The following PCDHGA10 variants were observed in gnomAD, a reference collection of about 807,000 sequenced individuals.
PCDHGA10 encodes protocadherin gamma subfamily A, 10.
Under a neutral mutation model 59.5 loss-of-function variants are expected in PCDHGA10, and 42 were observed. That is an observed-to-expected ratio of 0.71 (90% CI 0.55 to 0.91). The LOEUF is 0.91. Ranked by LOEUF, PCDHGA10 falls within the 40% of genes least tolerant of loss-of-function variation. The pLI is 0.00. For synonymous variants in PCDHGA10, 511 were observed against 517.2 expected (o/e 0.99, Z 0.16); for missense variants, 1,111 against 1,198.2 (o/e 0.93, Z 1.07).
intron 1 of PCDHGA10, chr5:141,424,728 G>A (rs907091181): frequency 1.3e-5 from 2 of 152,102 alleles, no homozygotes; most frequent in African/African-American, 2.4e-5. Flanking sequence ...GGGAGTCATA[G>A]ATTCCTTCTT....
chr5:141,426,858 T>G (rs898486771), intron 1 of PCDHGA10: 13 of 456,574 alleles, frequency 2.8e-5, no homozygotes, highest in African/African-American at 8.0e-5. Context: ...CGCTCCAGAA[T>G]TAGTGCTGGA....
In PCDHGA10 at chr5:141,485,867, G is replaced by T; in HGVS notation, c.2437-8940G>T. The T allele has an allele frequency of 6.2e-7, 1 of 1,614,164 alleles. No homozygotes were observed. Among genetic ancestry groups the T allele is most frequent in the Non-Finnish European group, 8.5e-7 (1 of 1,180,040 alleles). On this transcript the variant is annotated intron_variant, in intron 1 of 3. Transcript: ENST00000398610. The surrounding 1 kb of genome is among the most constrained non-coding windows in gnomAD (Gnocchi z 5.7). ...TGGCACCGCAGAGCTCCGGGTATCC[G>T]TGCTGGACGTAAACGACAACGCCCC...
At chr5:141,421,619 C>T (rs778666303) in intron 1 of PCDHGA10, 2 of 1,613,694 alleles carry the variant, frequency 1.2e-6, no homozygotes, top group South Asian at 1.1e-5. Flanking sequence ...AATGATAACG[C>T]CCCCAGCTTC....
At chr5:141,434,883 C>T (rs1490696834) in intron 1 of PCDHGA10, among the ~76,000 whole-genome samples, 1 of 151,644 alleles carries the variant, frequency 6.6e-6, no homozygotes, top group Non-Finnish European at 1.5e-5. Context: ...ATACCAACAA[C>T]AATCCAGTCC....
intron 1 of PCDHGA10, chr5:141,422,081 T>C: frequency 2.5e-6 from 4 of 1,612,346 alleles, no homozygotes; most frequent in Non-Finnish European, 3.4e-6. Context: ...TTTCGGAACA[T>C]GGAAAGCAAG....
intron 1 of PCDHGA10, chr5:141,415,949 C>T (rs369226000): frequency 6.5e-4 from 320 of 496,036 alleles, no homozygotes; most frequent in African/African-American, 5.9e-3. Context: ...TGGGTGGTCA[C>T]ATATTGAAAC....
Position 141,414,288 on chromosome 5 carries a change from C to T in PCDHGA10, c.1113C>T (p.Ala371=), listed in dbSNP as rs368826232. The T allele has an allele frequency of 2.5e-5, 40 of 1,613,502 alleles. No homozygotes were observed. Among genetic ancestry groups the T allele is most frequent in the South Asian group, 4.4e-5 (4 of 91,016 alleles). Residue 371 remains alanine, a synonymous_variant, in exon 1 of 4, where the codon GCC becomes GCT. Transcript: ENST00000398610. ...TEDSPLGTVV[A]LLNVHDLDSE... The stretch of plus-strand genomic sequence containing the variant: ...ATTCACCTCTGGGAACAGTCGTAGC[C>T]CTTTTAAATGTGCATGATTTAGACT...
Position 141,487,298 on chromosome 5 carries a change from G to T in PCDHGA10, c.2437-7509G>T. 6.2e-7 allele frequency: 1 copy of T among 1,614,072 alleles called. No individual in the cohort carries two copies. Among genetic ancestry groups the T allele is most frequent in the Non-Finnish European group, 8.5e-7 (1 of 1,180,018 alleles). ...TTGCTTTGTCTCCTTTGGCTCATTC[G>T]TGGCACTACTCTCTAAGTGTCTTCG... On this transcript the variant is annotated intron_variant, in intron 1 of 3. Coordinates refer to ENST00000398610, the MANE Select transcript of PCDHGA10 (RefSeq NM_018913.3). This position sits in a 1 kb window ranked among gnomAD's most constrained non-coding sequence, Gnocchi z 5.0.
intron 1 of PCDHGA10, among the ~76,000 whole-genome samples, chr5:141,464,803 G>A (rs933573443): frequency 1.5e-4 from 23 of 152,092 alleles, no homozygotes; most frequent in African/African-American, 5.1e-4. Context: ...CAGTGATGCA[G>A]TCATAGCTCA....
chr5:141,461,595 A>C (rs2099018386), intron 1 of PCDHGA10, among the ~76,000 whole-genome samples: 1 of 152,144 alleles, frequency 6.6e-6, no homozygotes, highest in East Asian at 1.9e-4. Flanking sequence ...TATTTCCATT[A>C]TAATTTAGTT....
At position 141,489,074 on chromosome 5, in the gene PCDHGA10, C is replaced by A; in HGVS notation, c.2437-5733C>A. On this transcript the variant is annotated intron_variant, in intron 1 of 3. Coordinates refer to ENST00000398610, the MANE Select transcript of PCDHGA10 (RefSeq NM_018913.3). The surrounding 1 kb of genome is among the most constrained non-coding windows in gnomAD (Gnocchi z 4.5). ...TTCAGCTCCCCTCCCCCCTGCCCAC[C>A]CCCGCCACTCGGTGACTAAGAACTG... 9.4e-6 allele frequency: 3 copies of A among 320,798 alleles called. No individual in the cohort carries two copies. The highest frequency in any genetic ancestry group is 1.7e-5 in the Non-Finnish European group (3 of 177,744). 19.9% of individuals were successfully genotyped at this position (320,798 alleles called of 1,614,324 possible). A position where few individuals can be genotyped will look rare whatever the true frequency, so the allele number is the denominator to read the frequency against.
intron 1 of PCDHGA10, among the ~76,000 whole-genome samples, chr5:141,488,554 T>C (rs1313975033): frequency 6.6e-6 from 1 of 152,064 alleles, no homozygotes; most frequent in African/African-American, 2.4e-5. Context: ...CAGCTGACAT[T>C]GAGATTTCCG....
intron 1 of PCDHGA10, among the ~76,000 whole-genome samples, chr5:141,445,277 A>G (rs769047096): frequency 6.6e-6 from 1 of 152,256 alleles, no homozygotes; most frequent in African/African-American, 2.4e-5. Flanking sequence ...ACCACTCTGC[A>G]TAAGTTCAGG....
chr5:141,482,472 CTG>C (rs2099561247), intron 1 of PCDHGA10, among the ~76,000 whole-genome samples: 2 of 136,856 alleles, frequency 1.5e-5, no homozygotes, highest in Non-Finnish European at 3.0e-5. Context: ...GTGCCAGACA[CTG>C]TAAACAATTA....
rs777761385 is a variant in PCDHGA10 at position 141,489,558 on chromosome 5, G to T, written c.2437-5249G>T. 1.1e-5 allele frequency: 17 copies of T among 1,614,130 alleles called. No homozygotes were observed. In the South Asian group the frequency reaches 1.8e-4, roughly 17 times the overall value. On this transcript the variant is annotated intron_variant, in intron 1 of 3. Coordinates refer to ENST00000398610, the MANE Select transcript of PCDHGA10 (RefSeq NM_018913.3). The surrounding 1 kb of genome is among the most constrained non-coding windows in gnomAD (Gnocchi z 4.5). Reference sequence around the variant, plus strand: ...CCAGCACCAGCTGCCTGCTGCCAGTGCAGGTGGTGACTGAACACCCCCTGG... The same window carrying T: ...CCAGCACCAGCTGCCTGCTGCCAGTTCAGGTGGTGACTGAACACCCCCTGG...
chr5:141,432,632 G>A lies in PCDHGA10; in HGVS notation c.2436+17021G>A. 3.7e-6 allele frequency: 6 copies of A among 1,612,834 alleles called. No individual in the cohort carries two copies. The highest frequency in any genetic ancestry group is 5.1e-6 in the Non-Finnish European group (6 of 1,179,706). On this transcript the variant is annotated intron_variant, in intron 1 of 3. Coordinates refer to ENST00000398610, the MANE Select transcript of PCDHGA10 (RefSeq NM_018913.3). The surrounding 1 kb of genome is among the most constrained non-coding windows in gnomAD (Gnocchi z 6.0). ...CTTCTCGGTGGGTCTGCACACGGGC[G>A]AGGTGCGCACGGCGCGAGCCCTGCT...
chr5:141,486,869 C>G lies in PCDHGA10; in HGVS notation c.2437-7938C>G. On this transcript the variant is annotated intron_variant, in intron 1 of 3. Transcript: ENST00000398610. This position sits in a 1 kb window ranked among gnomAD's most constrained non-coding sequence, Gnocchi z 5.0. ...CCTCAATGACAATGCTCCAGCTGTG[C>G]TCCGTCCTCGGGCCCGGCCTGGTTC... The G allele has an allele frequency of 6.2e-7, 1 of 1,614,246 alleles. No homozygotes were observed. The highest frequency in any genetic ancestry group is 8.5e-7 in the Non-Finnish European group (1 of 1,180,042).
chr5:141,509,060 T>G (rs2099874519), intron 3 of PCDHGA10, among the ~76,000 whole-genome samples: 1 of 152,216 alleles, frequency 6.6e-6, no homozygotes, highest in Middle Eastern at 3.4e-3. Flanking sequence ...CAGAAAGCTC[T>G]CAGCTCCGGG....
intron 1 of PCDHGA10, chr5:141,420,364 ACTT>A (rs746817317): frequency 1.3e-4 from 174 of 1,368,558 alleles, no homozygotes; most frequent in Non-Finnish European, 1.6e-4. Context: ...ATTCTAGATA[ACTT>A]CTTCATAGAG....
Sources: gnomAD v4.1 joint callset for allele counts (sites outside exome capture counted in the v4.1 genomes callset) on GRCh38, gnomAD v4.1.1 for gene constraint, Gnocchi (gnomAD v3.1) non-coding constraint, MANE v1.5 for transcripts, NCBI Gene and HGNC (gene_info 2026-07-23, HGNC 2026-07-21) for gene names.